ZGPAT: variants seen among roughly 807,000 people sequenced by gnomAD.
ZGPAT encodes zinc finger CCCH-type with G patch domain-containing protein.
ZGPAT carries 39 observed loss-of-function variants against 47.9 expected under a neutral mutation model. That is an observed-to-expected ratio of 0.81 (90% CI 0.63 to 1.06). The LOEUF (loss-of-function observed/expected upper bound fraction) is 1.06, where lower values mean the gene tolerates loss of function less well. Among genes scored for constraint, ZGPAT ranks in the 50% least tolerant of loss-of-function variants. ZGPAT has a pLI of 0.00. For missense variants in ZGPAT, 717 were observed against 681.4 expected (o/e 1.05, Z -0.58); for synonymous variants, 348 against 292.9 (o/e 1.19, Z -1.92).
At chr20:63,709,360 A>G (rs1326488479) in intron 2 of ZGPAT, among the ~76,000 whole-genome samples, 196 bp downstream of exon 2, 1 of 152,182 alleles carries the variant, frequency 6.6e-6, no homozygotes, top group Non-Finnish European at 1.5e-5. Flanking sequence ...GAAGGAGGCC[A>G]GGCGCGGTGG....
rs1383341821 is a variant in ZGPAT at position 63,708,752 on chromosome 20, A to G, written c.172A>G (p.Arg58Gly). 2 of 1,612,230 alleles carry G rather than the reference A, an allele frequency of 1.2e-6. No homozygotes were observed. The highest frequency in any genetic ancestry group is 2.2e-5 in the East Asian group (1 of 44,848). The change falls in exon 2 of 7, where the codon AGG (arginine) becomes GGG (glycine). Residue 58 changes from arginine (R) to glycine (G), a missense_variant. Transcript: ENST00000355969. ...CACCGAGGCCAGCCTGGTGTCTGTC[A>G]GGAAGAGCAGCTTGTTGGCCGCGCT... ...ELTEASLVSV[R>G]KSSLLAALDE...
Position 63,708,655 on chromosome 20 carries a change from C to T in ZGPAT, c.75C>T (p.Gly25=), listed in dbSNP as rs1392068258. 6 of 1,612,312 alleles carry T rather than the reference C, an allele frequency of 3.7e-6. No individual in the cohort carries two copies. The African/African-American group carries it at 5.3e-5, about 14-fold the overall frequency. The change falls in exon 2 of 7, where the codon GGC becomes GGT. Residue 25 remains glycine (G), a synonymous_variant. Coordinates refer to ENST00000355969, the MANE Select transcript of ZGPAT (RefSeq NM_181485.3). ...AQLQQVELAL[G]AGLDSSEQAD... ...TGCAGCAGGTGGAGCTGGCCTTGGG[C>T]GCCGGCCTGGATTCGTCTGAGCAGG... is the stretch of plus-strand genomic sequence containing the variant.
chr20:63,725,206 G>C (rs1215927823), intron 2 of ZGPAT, among the ~76,000 whole-genome samples: 3 of 152,090 alleles, frequency 2.0e-5, no homozygotes, highest in Middle Eastern at 3.2e-3. Flanking sequence ...GGATGGTCTT[G>C]ATCTCCTGAC....
chr20:63,709,076 C>A lies in ZGPAT; in HGVS notation c.496C>A (p.Arg166Ser), dbSNP rs776116149. 2 of 1,613,208 alleles carry A rather than the reference C, an allele frequency of 1.2e-6. No homozygotes were observed. ...EEAEDGSAGV[R>S]VLYLYPTHKS... ...GGCGGAGGATGGCTCGGCGGGTGTC[C>A]GTGTGCTTTACCTGTACCCCACTCA... is the stretch of plus-strand genomic sequence containing the variant. The change falls in exon 2 of 7, where the codon CGT becomes AGT. Residue 166 changes from arginine (R) to serine (S), a missense_variant. Coordinates refer to ENST00000355969, the MANE Select transcript of ZGPAT (RefSeq NM_181485.3).
intron 2 of ZGPAT, among the ~76,000 whole-genome samples, chr20:63,730,925 TC>T (rs2091891890): frequency 8.2e-5 from 1 of 12,148 alleles, no homozygotes; most frequent in Non-Finnish European, 1.6e-4. Flanking sequence ...CTCTTCATTC[TC>T]TCTCTCTCTC....
At chr20:63,716,220 G>C (rs570178575) in intron 2 of ZGPAT, among the ~76,000 whole-genome samples, 2 of 152,262 alleles carry the variant, frequency 1.3e-5, no homozygotes, top group South Asian at 4.1e-4. Context: ...AGTAGGAACA[G>C]CATTTCACCA....
intron 2 of ZGPAT, among the ~76,000 whole-genome samples, chr20:63,717,109 G>A (rs554805418): frequency 1.1e-4 from 17 of 152,226 alleles, no homozygotes; most frequent in African/African-American, 3.4e-4. Flanking sequence ...GAGCCACCAC[G>A]CATGGCCTGT....
At position 63,735,893 on chromosome 20, in the gene ZGPAT, A is replaced by G; in HGVS notation, c.1510A>G (p.Thr504Ala). ...GCAGCAGGAGCAGAGGAAGGCAGAC[A>G]CCCACAAGAAGATGACTGAGTTCTA... ...GLQQEQRKADTHKKMTEF is the reference protein window; with the variant it reads ...GLQQEQRKADAHKKMTEF Residue 504 changes from threonine (T) to alanine (A), a missense_variant, in exon 7 of 7, where the codon ACC (threonine) becomes GCC (alanine). Coordinates refer to ENST00000355969, the MANE Select transcript of ZGPAT (RefSeq NM_181485.3). The G allele has an allele frequency of 6.2e-7, 1 of 1,612,808 alleles. No individual in the cohort carries two copies. The highest frequency in any genetic ancestry group is 8.5e-7 in the Non-Finnish European group (1 of 1,179,882).
chr20:63,724,448 A>G (rs184807372), intron 2 of ZGPAT, among the ~76,000 whole-genome samples: 109 of 151,724 alleles, frequency 7.2e-4, no homozygotes, highest in Non-Finnish European at 1.3e-3. Flanking sequence ...TTGGGAGGCC[A>G]AGGCAGGAGG....
At chr20:63,727,889 G>A in intron 2 of ZGPAT, among the ~76,000 whole-genome samples, 1 of 151,952 alleles carries the variant, frequency 6.6e-6, no homozygotes, top group Non-Finnish European at 1.5e-5. Context: ...TTGAATACTG[G>A]ACATTTCAGA....
intron 2 of ZGPAT, among the ~76,000 whole-genome samples, chr20:63,714,118 A>G (rs2750483): frequency 0.2 from 29,640 of 151,940 alleles, 3,885 homozygotes; most frequent in East Asian, 0.62. Flanking sequence ...CTTCAAGTAC[A>G]ATGTTGAATA....
intron 2 of ZGPAT, among the ~76,000 whole-genome samples, chr20:63,711,494 C>T (rs1218611327): frequency 6.6e-6 from 1 of 152,212 alleles, no homozygotes; most frequent in East Asian, 1.9e-4. Context: ...CCCAGTGCTG[C>T]TTGCCATGTC....
chr20:63,734,118 A>G (rs1185570505), intron 4 of ZGPAT: 3 of 293,342 alleles, frequency 1.0e-5, no homozygotes, highest in Middle Eastern at 1.1e-3. Flanking sequence ...ATCCTGGCAG[A>G]CAGAGGTTGT....
chr20:63,719,757 T>G (rs1383246336), intron 2 of ZGPAT, among the ~76,000 whole-genome samples: 3 of 151,480 alleles, frequency 2.0e-5, no homozygotes, highest in Non-Finnish European at 2.9e-5. Flanking sequence ...TTTTTTTTTT[T>G]GAAGCGGGGT....
intron 5 of ZGPAT, 116 bp from the exon 6 acceptor site, chr20:63,735,043 C>T: frequency 7.2e-7 from 1 of 1,385,460 alleles, no homozygotes; most frequent in Non-Finnish European, 9.5e-7. Flanking sequence ...CACAGCACTG[C>T]CATCTCCGTG....
intron 2 of ZGPAT, among the ~76,000 whole-genome samples, chr20:63,720,187 A>T (rs6062304): frequency 0.7 from 105,446 of 151,248 alleles, 37,048 homozygotes; most frequent in Middle Eastern, 0.75. Context: ...ATGGAGTCTC[A>T]CTCTATAGCC....
intron 2 of ZGPAT, among the ~76,000 whole-genome samples, chr20:63,719,482 A>C (rs920816690): frequency 6.6e-6 from 1 of 151,646 alleles, no homozygotes; most frequent in African/African-American, 2.4e-5. Flanking sequence ...TCTGCTCCTC[A>C]TTTTGGATAA....
chr20:63,721,879 G>A (rs2091791463), intron 2 of ZGPAT, among the ~76,000 whole-genome samples: 1 of 152,072 alleles, frequency 6.6e-6, no homozygotes, highest in Non-Finnish European at 1.5e-5. Context: ...AGCTGGGCGT[G>A]GTGGGTGCCT....
intron 2 of ZGPAT, among the ~76,000 whole-genome samples, chr20:63,712,433 T>C (rs928512168): frequency 3.9e-5 from 6 of 152,248 alleles, no homozygotes; most frequent in Non-Finnish European, 7.3e-5. Flanking sequence ...GTGGTAGTTA[T>C]TCACCATTTG....
Sources: gnomAD v4.1 joint callset for allele counts (sites outside exome capture counted in the v4.1 genomes callset) on GRCh38, gnomAD v4.1.1 for gene constraint, MANE v1.5 for transcripts, NCBI Gene and HGNC (gene_info 2026-07-23, HGNC 2026-07-21) for gene names.